The following LRRC4C variants were observed in gnomAD, a reference collection of about 807,000 sequenced individuals.
LRRC4C encodes leucine rich repeat containing 4C.
A neutral mutation model predicts 33.6 loss-of-function variants in LRRC4C; 5 were observed. The observed-to-expected ratio is 0.15, with a 90% CI of 0.08 to 0.31. The LOEUF (loss-of-function observed/expected upper bound fraction) is 0.31, where lower values mean the gene tolerates loss of function less well. Ranked by LOEUF, LRRC4C falls within the 10% of genes least tolerant of loss-of-function variation. The pLI is 1.00. For missense variants in LRRC4C, 560 were observed against 796.7 expected (o/e 0.70, Z 3.58); for synonymous variants, 329 against 302.0 (o/e 1.09, Z -0.93).
chr11:40,583,606 C>A (rs574815940), intron 3 of LRRC4C, among the ~76,000 whole-genome samples: 2 of 152,208 alleles, frequency 1.3e-5, no homozygotes, highest in East Asian at 3.9e-4. Flanking sequence ...CAATATCATC[C>A]TTTTTCCCAT....
intron 3 of LRRC4C, among the ~76,000 whole-genome samples, chr11:40,545,624 A>G (rs1171059926): frequency 6.6e-6 from 1 of 151,980 alleles, no homozygotes; most frequent in Non-Finnish European, 1.5e-5. Context: ...TGTGTTAGAT[A>G]AGTTAAAGCA....
intron 3 of LRRC4C, among the ~76,000 whole-genome samples, chr11:40,496,984 A>G (rs1331687267): frequency 1.3e-5 from 2 of 152,198 alleles, no homozygotes; most frequent in Non-Finnish European, 2.9e-5. Flanking sequence ...CATGGCTCCT[A>G]AAGATCATCA....
At chr11:40,231,642 A>G (rs983364158) in intron 5 of LRRC4C, among the ~76,000 whole-genome samples, 4 of 152,214 alleles carry the variant, frequency 2.6e-5, no homozygotes, top group African/African-American at 9.7e-5. Context: ...AGATAGACAC[A>G]GACATTTTAG....
At chr11:40,981,370 C>A (rs1034359215) in intron 1 of LRRC4C, among the ~76,000 whole-genome samples, 1 of 151,476 alleles carries the variant, frequency 6.6e-6, no homozygotes, top group Non-Finnish European at 1.5e-5. Context: ...GCAGAGATCA[C>A]GCCACTGCAT....
chr11:40,205,912 ATC>A (rs1863112395), intron 5 of LRRC4C, among the ~76,000 whole-genome samples: 1 of 152,226 alleles, frequency 6.6e-6, no homozygotes, highest in East Asian at 1.9e-4. Flanking sequence ...TACTTGAGCA[ATC>A]TCTGTTGCTC....
At chr11:40,976,434 A>G (rs1852088916) in intron 1 of LRRC4C, among the ~76,000 whole-genome samples, 1 of 152,222 alleles carries the variant, frequency 6.6e-6, no homozygotes. Flanking sequence ...CAGATCAGCA[A>G]GTCATTCATT....
At position 40,126,164 on chromosome 11, in the gene LRRC4C, G is replaced by A. The variant is rs1161041069; in HGVS notation, c.-42-9830C>T. Among the ~76,000 whole-genome samples the A allele has an allele frequency of 7.4e-4, 102 of 137,068 alleles. 3 individuals carry two copies. The South Asian group carries it at 0.02, about 26-fold the overall frequency. 89.9% of individuals were successfully genotyped at this position (137,068 alleles called of 152,430 possible). A position where few individuals can be genotyped will look rare whatever the true frequency, so the allele number is the denominator to read the frequency against. ...TAAAATTTCAGAAGTTGAGATTTAC[G>A]AAAAAAAAAAAAACCCACCTGACTC... On this transcript the variant is annotated intron_variant, in intron 6 of 6. Coordinates refer to ENST00000528697, the MANE Select transcript of LRRC4C (RefSeq NM_001258419.2).
At chr11:41,047,268 A>G (rs1410535851) in intron 1 of LRRC4C, among the ~76,000 whole-genome samples, 1 of 152,172 alleles carries the variant, frequency 6.6e-6, no homozygotes, top group Non-Finnish European at 1.5e-5. Flanking sequence ...ATCATTATTC[A>G]TTAGAAAAAT....
At chr11:41,450,059 C>G (rs1308732773) in intron 1 of LRRC4C, among the ~76,000 whole-genome samples, 1 of 152,120 alleles carries the variant, frequency 6.6e-6, no homozygotes, top group Non-Finnish European at 1.5e-5. Context: ...AAAAATTAGG[C>G]TGAATACTAG....
At chr11:40,723,282 A>T (rs1160234079) in intron 2 of LRRC4C, among the ~76,000 whole-genome samples, 1 of 152,042 alleles carries the variant, frequency 6.6e-6, no homozygotes, top group Non-Finnish European at 1.5e-5. Context: ...ATATAAGACA[A>T]TCATCCCCAG....
chr11:40,474,959 C>T (rs1311440115), intron 3 of LRRC4C, among the ~76,000 whole-genome samples: 1 of 152,178 alleles, frequency 6.6e-6, no homozygotes, highest in African/African-American at 2.4e-5. Flanking sequence ...ACAACAGATA[C>T]TGCAGAGGAT....
chr11:41,272,096 G>A (rs552803554), intron 1 of LRRC4C, among the ~76,000 whole-genome samples: 2 of 152,268 alleles, frequency 1.3e-5, no homozygotes, highest in East Asian at 3.9e-4. Flanking sequence ...AGGAAAGGAA[G>A]TTTGAAGGAG....
At chr11:40,295,570 C>A (rs1590934494) in intron 4 of LRRC4C, among the ~76,000 whole-genome samples, 1 of 152,086 alleles carries the variant, frequency 6.6e-6, no homozygotes, top group African/African-American at 2.4e-5. Flanking sequence ...CTCTTCTGTT[C>A]CCATTATACT....
At chr11:41,220,218 T>C (rs902435563) in intron 1 of LRRC4C, among the ~76,000 whole-genome samples, 2 of 152,144 alleles carry the variant, frequency 1.3e-5, no homozygotes, top group Non-Finnish European at 2.9e-5. Context: ...TGGCTTTACA[T>C]GTACTAACTC....
intron 5 of LRRC4C, among the ~76,000 whole-genome samples, chr11:40,170,175 A>T (rs1859928448): frequency 6.6e-6 from 1 of 152,168 alleles, no homozygotes; most frequent in South Asian, 2.1e-4. Flanking sequence ...ATTTGTGTAT[A>T]TTTTTCTATA....
intron 1 of LRRC4C, among the ~76,000 whole-genome samples, chr11:41,452,901 T>C (rs1234675578): frequency 6.6e-6 from 1 of 152,140 alleles, no homozygotes; most frequent in Admixed American, 6.6e-5. Flanking sequence ...TAATTACTAT[T>C]ACTACTAATG....
chr11:41,129,595 C>A lies in LRRC4C; in HGVS notation c.-495-195872G>T, dbSNP rs572571087. Among the ~76,000 whole-genome samples the A allele has an allele frequency of 2.9e-4, 44 of 151,776 alleles. 1 individual carries two copies. The South Asian group carries it at 8.5e-3, about 29-fold the overall frequency. On this transcript the variant is annotated intron_variant, in intron 1 of 6. Coordinates refer to ENST00000528697, the MANE Select transcript of LRRC4C (RefSeq NM_001258419.2). ...GATTCTTCAATAGTAATTTTATCTG[C>A]CTCAATGGATTATTTTTCCTAAGAC...
At chr11:40,958,796 C>T (rs1198655653) in intron 1 of LRRC4C, among the ~76,000 whole-genome samples, 2 of 151,698 alleles carry the variant, frequency 1.3e-5, no homozygotes, top group Non-Finnish European at 3.0e-5. Context: ...ATTCAGATCT[C>T]ATTTAAACAT....
intron 2 of LRRC4C, among the ~76,000 whole-genome samples, chr11:40,851,825 T>C (rs1953517022): frequency 6.6e-6 from 1 of 152,172 alleles, no homozygotes; most frequent in Non-Finnish European, 1.5e-5. Context: ...GGATTGTCCT[T>C]TTCAGCCAGC....
Sources: gnomAD v4.1 joint callset for allele counts (sites outside exome capture counted in the v4.1 genomes callset) on GRCh38, gnomAD v4.1.1 for gene constraint, MANE v1.5 for transcripts, NCBI Gene and HGNC (gene_info 2026-07-23, HGNC 2026-07-21) for gene names.